ERCC6: variants seen among roughly 807,000 people sequenced by gnomAD.
ERCC6 encodes ERCC excision repair 6, chromatin remodeling factor, also known as DNA excision repair protein ERCC-6.
Under a neutral mutation model 158.7 loss-of-function variants are expected in ERCC6, and 116 were observed. The ratio of observed to expected loss-of-function variants is 0.73; its 90% CI spans 0.63 to 0.85. The LOEUF is 0.85. ERCC6 is among the 40% of genes least tolerant of loss of function. ERCC6 has a pLI of 0.00. For synonymous variants in ERCC6, 678 were observed against 659.3 expected, an observed-to-expected ratio of 1.03 and a Z score of -0.43; for missense variants, 1,698 against 1,799.4, an observed-to-expected ratio of 0.94 and a Z score of 1.02.
chr10:49,533,644 A>C (rs753888977), intron 1 of ERCC6, among the ~76,000 whole-genome samples: 4 of 152,020 alleles, frequency 2.6e-5, no homozygotes, highest in Non-Finnish European at 4.4e-5. Context: ...TCTACTAAAA[A>C]TTTAAAACCT....
At chr10:49,535,690 A>G (rs924015544) in intron 1 of ERCC6, among the ~76,000 whole-genome samples, 1 of 152,270 alleles carries the variant, frequency 6.6e-6, no homozygotes, top group Non-Finnish European at 1.5e-5. Context: ...AAAAAGCAAT[A>G]GTATTGTAGT....
intron 20 of ERCC6, 72 bp downstream of exon 20, chr10:49,460,301 A>G: frequency 1.9e-6 from 2 of 1,061,782 alleles, no homozygotes; most frequent in Non-Finnish European, 2.9e-6. Flanking sequence ...CACATCCAGA[A>G]TCAGGTGAAA....
At chr10:49,487,792 G>A (rs1851101400) in intron 8 of ERCC6, among the ~76,000 whole-genome samples, 1 of 152,124 alleles carries the variant, frequency 6.6e-6, no homozygotes, top group Non-Finnish European at 1.5e-5. Flanking sequence ...AGAAATGTTA[G>A]CTATAGAAAT....
chr10:49,479,067 T>C (rs1850929783), intron 10 of ERCC6, among the ~76,000 whole-genome samples: 1 of 151,834 alleles, frequency 6.6e-6, no homozygotes, highest in Non-Finnish European at 1.5e-5. Flanking sequence ...CATATGGTTC[T>C]GTAATGGAGC....
chr10:49,440,417 C>G, the ERCC6 span, among the ~76,000 whole-genome samples: 1 of 152,186 alleles, frequency 6.6e-6, no homozygotes, highest in African/African-American at 2.4e-5. Flanking sequence ...TTACCTCCGC[C>G]TGGTCCCTCC....
chr10:49,526,305 C>T (rs1437226248), intron 4 of ERCC6, among the ~76,000 whole-genome samples: 1 of 148,036 alleles, frequency 6.8e-6, no homozygotes, highest in Non-Finnish European at 1.5e-5. Flanking sequence ...TGTAGTGGTA[C>T]CACATTATGG....
the ERCC6 span, among the ~76,000 whole-genome samples, chr10:49,443,153 T>C: frequency 3.9e-5 from 6 of 152,240 alleles, no homozygotes; most frequent in Non-Finnish European, 7.3e-5. Context: ...AACTGAATTC[T>C]AACTTCTGAA....
chr10:49,513,967 T>C (rs1188701553), intron 5 of ERCC6, among the ~76,000 whole-genome samples: 2 of 152,224 alleles, frequency 1.3e-5, no homozygotes, highest in African/African-American at 2.4e-5. Flanking sequence ...CCAGAGTCTA[T>C]ATTCCTATCT....
At chr10:49,483,976 A>G (rs1285745473) in intron 8 of ERCC6, among the ~76,000 whole-genome samples, 1 of 152,064 alleles carries the variant, frequency 6.6e-6, no homozygotes, top group African/African-American at 2.4e-5. Context: ...AAAAGCAATG[A>G]TTTTAAAATG....
At chr10:49,465,375 G>A (rs556964091) in intron 18 of ERCC6, among the ~76,000 whole-genome samples, 1 of 152,340 alleles carries the variant, frequency 6.6e-6, no homozygotes, top group Non-Finnish European at 1.5e-5. Context: ...TGATTTTACA[G>A]GCTCATAGGC....
chr10:49,458,667 C>T lies in ERCC6; in HGVS notation c.*148G>A. 1 of 759,336 alleles carries T rather than the reference C, an allele frequency of 1.3e-6. No individual in the cohort carries two copies. The highest frequency in any genetic ancestry group is 2.2e-6 in the Non-Finnish European group (1 of 463,486). 47.0% of individuals were successfully genotyped at this position (759,336 alleles called of 1,614,324 possible). ...ACTTTCAGAGAAGAGTTTCTTCTTC[C>T]TTAAAGTTTTAATTCTGAGGTAGAC... On this transcript the variant is annotated 3_prime_UTR_variant, in exon 21 of 21. Coordinates refer to ENST00000355832, the MANE Select transcript of ERCC6 (RefSeq NM_000124.4).
chr10:49,528,338 C>A, intron 4 of ERCC6, 79 bp downstream of exon 4: 3 of 1,546,552 alleles, frequency 1.9e-6, no homozygotes, highest in Non-Finnish European at 2.7e-6. Flanking sequence ...CAGGCAAAGA[C>A]TAAAGAGACA....
Position 49,530,724 on chromosome 10 carries a change from T to TTA in ERCC6, c.537_538dup (p.Asn180IlefsTer7). On this transcript the variant is annotated frameshift_variant, in exon 3 of 21. Coordinates refer to ENST00000355832, the MANE Select transcript of ERCC6 (RefSeq NM_000124.4). LOFTEE classifies it high-confidence loss of function. ...CTGAATGTTATTCTGAATCACCTTA[T>TTA]TATACTTCTGTCGTTTTACAGAATC... 1 of 1,613,372 alleles carries TTA rather than the reference T, an allele frequency of 6.2e-7. No homozygotes were observed. The highest frequency in any genetic ancestry group is 2.2e-5 in the East Asian group (1 of 44,804).
rs369906037 is a variant in ERCC6, at chr10:49,478,554, T to TAAA, written c.2170-87_2170-85dup. On this transcript the variant is annotated intron_variant, in intron 10 of 20. Coordinates refer to ENST00000355832, the MANE Select transcript of ERCC6 (RefSeq NM_000124.4). ...TTACCTCTCAATTGCTTCCATTCCTTAAAAAAAAAAAAAGAATAACCAACA... is the reference window on the plus strand; with the variant it reads ...TTACCTCTCAATTGCTTCCATTCCTTAAAAAAAAAAAAAAAAGAATAACCAACA... The TAAA allele has an allele frequency of 1.9e-4, 132 of 699,024 alleles. No homozygotes were observed. In the East Asian group the frequency reaches 2.9e-3, roughly 15 times the overall value. The allele number at this position is 699,024 out of a possible 1,614,324, so 43.3% of individuals were successfully genotyped here. A position where few individuals can be genotyped will look rare whatever the true frequency, so the allele number is the denominator to read the frequency against.
Position 49,457,443 on chromosome 10 carries a change from G to C in ERCC6, c.*1372C>G, listed in dbSNP as rs1850501229. 6.6e-6 allele frequency: 1 copy of C among 152,302 alleles called. No homozygotes were observed. Among genetic ancestry groups the C allele is most frequent in the Non-Finnish European group, 1.5e-5 (1 of 68,042 alleles). The allele number at this position is 152,302 out of a possible 1,614,324, so 9.4% of individuals were successfully genotyped here. On this transcript the variant is annotated 3_prime_UTR_variant, in exon 21 of 21. Transcript: ENST00000355832. ...TTGGCTTAAGCAAAATATTAGAGCA[G>C]AGAAAGCAAAACTCATGTCCTCTCA...
intron 4 of ERCC6, among the ~76,000 whole-genome samples, chr10:49,527,118 A>G (rs73311019): frequency 0.024 from 3,612 of 152,300 alleles, 154 homozygotes; most frequent in African/African-American, 0.081. Flanking sequence ...GAACAAGGAT[A>G]AAAAGGGGCT....
At chr10:49,538,129 G>A (rs1220772128) in intron 1 of ERCC6, among the ~76,000 whole-genome samples, 1 of 152,240 alleles carries the variant, frequency 6.6e-6, no homozygotes, top group Non-Finnish European at 1.5e-5. Context: ...GTCTTGCAGA[G>A]TATCTTCTAA....
In ERCC6 at chr10:49,474,021, A is replaced by AC. The variant is rs778765560; in HGVS notation, c.2598+5dup. The AC allele has an allele frequency of 1.2e-6, 2 of 1,613,214 alleles. No homozygotes were observed. The highest frequency in any genetic ancestry group is 4.5e-5 in the East Asian group (2 of 44,872). On this transcript the variant is annotated splice_donor_region_variant and intron_variant, in intron 13 of 20. Transcript: ENST00000355832. ...CCTGTTTCCCGTCTGAAGTCTGTGCACTCACCTGCCTTGACTGAGAAAACA... is the reference window on the plus strand; with the variant it reads ...CCTGTTTCCCGTCTGAAGTCTGTGCACCTCACCTGCCTTGACTGAGAAAACA...
intron 8 of ERCC6, 67 bp downstream of exon 8, chr10:49,493,050 G>C (rs1350994955): frequency 2.8e-5 from 43 of 1,563,290 alleles, no homozygotes; most frequent in Non-Finnish European, 3.8e-5. Flanking sequence ...ATGGATCAGA[G>C]AAAAACCAAA....
Sources: allele counts gnomAD v4.1 joint callset (sites outside exome capture counted in the v4.1 genomes callset), GRCh38; gene constraint gnomAD v4.1.1; transcripts MANE v1.5; gene names NCBI Gene and HGNC (gene_info 2026-07-23, HGNC 2026-07-21).